Variants in RNLS observed in about 807,000 individuals in gnomAD.
RNLS encodes the protein renalase.
A neutral mutation model predicts 39.8 loss-of-function variants in RNLS; 39 were observed. The observed-to-expected ratio is 0.98, with a 90% CI of 0.76 to 1.28. The LOEUF (loss-of-function observed/expected upper bound fraction) is 1.28. Ranked by LOEUF, RNLS falls within the 50% of genes most tolerant of loss-of-function variation. RNLS has a pLI of 0.00. For missense variants in RNLS, 410 were observed against 413.3 expected (o/e 0.99, Z 0.07); for synonymous variants, 147 against 150.7 (o/e 0.98, Z 0.18).
At chr10:88,582,940 G>A in intron 1 of RNLS, 133 bp downstream of exon 1, 1 of 1,057,222 alleles carries the variant, frequency 9.5e-7, no homozygotes, top group Non-Finnish European at 1.3e-6. Context: ...CGCATGGGCC[G>A]CGCTACACGG....
At chr10:88,454,802 G>C (rs1842540201) in intron 4 of RNLS, among the ~76,000 whole-genome samples, 3 of 152,198 alleles carry the variant, frequency 2.0e-5, no homozygotes, top group Non-Finnish European at 4.4e-5. Context: ...GTGTATGGAG[G>C]TCTGGTAGAT....
intron 4 of RNLS, among the ~76,000 whole-genome samples, chr10:88,498,288 C>A (rs759641294): frequency 4.4e-4 from 67 of 151,362 alleles, no homozygotes; most frequent in Non-Finnish European, 7.8e-4. Flanking sequence ...AAATGCAAAG[C>A]CTGAATCTAA....
chr10:88,325,638 T>C (rs146000054), intron 5 of RNLS, among the ~76,000 whole-genome samples: 2 of 152,338 alleles, frequency 1.3e-5, no homozygotes, highest in African/African-American at 4.8e-5. Flanking sequence ...AATGTACTTA[T>C]TTAAAGAAAA....
At chr10:88,238,699 G>A in the RNLS span, among the ~76,000 whole-genome samples, 1 of 152,208 alleles carries the variant, frequency 6.6e-6, no homozygotes, top group African/African-American at 2.4e-5. Flanking sequence ...GATTGGGCAC[G>A]CTGTGGAGCC....
intron 4 of RNLS, among the ~76,000 whole-genome samples, chr10:88,528,210 TA>T (rs1847221144): frequency 1.3e-5 from 2 of 152,064 alleles, no homozygotes; most frequent in Non-Finnish European, 2.9e-5. Flanking sequence ...AGAAAAGGGC[TA>T]AGACATCAGA....
chr10:88,282,996 T>C (rs905197783), downstream of RNLS, among the ~76,000 whole-genome samples: 4 of 152,172 alleles, frequency 2.6e-5, no homozygotes, highest in African/African-American at 9.7e-5. Flanking sequence ...AAGTTCTTGT[T>C]TGGAAATACT....
chr10:88,265,877 A>C, the RNLS span, among the ~76,000 whole-genome samples: 1 of 152,214 alleles, frequency 6.6e-6, no homozygotes, highest in Non-Finnish European at 1.5e-5. Flanking sequence ...GAGTTTACTC[A>C]TGGGTGTCCC....
chr10:88,294,935 C>T (rs931442987), intron 6 of RNLS, among the ~76,000 whole-genome samples: 1 of 152,026 alleles, frequency 6.6e-6, no homozygotes, highest in Non-Finnish European at 1.5e-5. Context: ...CGCCCCCACC[C>T]TCCAAATAAC....
chr10:88,363,348 A>T (rs944183723), intron 4 of RNLS, among the ~76,000 whole-genome samples: 2 of 152,132 alleles, frequency 1.3e-5, no homozygotes, highest in African/African-American at 2.4e-5. Flanking sequence ...ACCATGGCAC[A>T]TGATTACCTA....
chr10:88,517,897 G>A (rs1309376911), intron 4 of RNLS, among the ~76,000 whole-genome samples: 2 of 151,876 alleles, frequency 1.3e-5, no homozygotes, highest in Non-Finnish European at 2.9e-5. Flanking sequence ...AAAATAAATA[G>A]ATTATAGCTC....
At chr10:88,415,035 G>A (rs543334593) in intron 4 of RNLS, among the ~76,000 whole-genome samples, 4 of 152,116 alleles carry the variant, frequency 2.6e-5, no homozygotes, top group Non-Finnish European at 5.9e-5. Flanking sequence ...AAAGCGCACA[G>A]ATACTGTATG....
chr10:88,573,478 G>A (rs1476777890), intron 3 of RNLS, among the ~76,000 whole-genome samples: 1 of 152,114 alleles, frequency 6.6e-6, no homozygotes, highest in Admixed American at 6.5e-5. Context: ...TGCAGAACAA[G>A]TATACACTTC....
the RNLS span, among the ~76,000 whole-genome samples, chr10:88,206,452 A>G: frequency 6.6e-6 from 1 of 152,186 alleles, no homozygotes; most frequent in Non-Finnish European, 1.5e-5. Context: ...TGGAGAGCTG[A>G]TATTAAAAGA....
At position 88,583,244 on chromosome 10, in the gene RNLS, C is replaced by T. The variant is rs1042722475; in HGVS notation, c.-54G>A. On this transcript the variant is annotated 5_prime_UTR_variant, in exon 1 of 7. Coordinates refer to ENST00000331772, the MANE Select transcript of RNLS (RefSeq NM_001031709.3). The stretch of plus-strand genomic sequence containing the variant: ...GTCTCTGCGGCGGGGCCGTTCGGCC[C>T]GGGCTTTCTGGAAAGGCGGCCGAAC... 3 of 1,602,068 alleles carry T rather than the reference C, an allele frequency of 1.9e-6. No individual in the cohort carries two copies. The highest frequency in any genetic ancestry group is 1.7e-5 in the Admixed American group (1 of 58,808).
chr10:88,508,959 A>T (rs182901676), intron 4 of RNLS, among the ~76,000 whole-genome samples: 1 of 152,196 alleles, frequency 6.6e-6, no homozygotes. Flanking sequence ...CCTGGAATAC[A>T]ATCATTTTAG....
chr10:88,469,003 A>G (rs553989078), intron 4 of RNLS, among the ~76,000 whole-genome samples: 1 of 152,260 alleles, frequency 6.6e-6, no homozygotes, highest in South Asian at 2.1e-4. Flanking sequence ...AAGAATATTT[A>G]ATGTCAGGGA....
intron 4 of RNLS, among the ~76,000 whole-genome samples, chr10:88,446,780 C>A (rs1185950378): frequency 1.3e-5 from 2 of 152,114 alleles, no homozygotes; most frequent in African/African-American, 4.8e-5. Context: ...TACTGGCAAA[C>A]TGAATCCAGC....
At chr10:88,450,339 A>T (rs1842294601) in intron 4 of RNLS, among the ~76,000 whole-genome samples, 1 of 152,202 alleles carries the variant, frequency 6.6e-6, no homozygotes, top group South Asian at 2.1e-4. Flanking sequence ...CACAAGGTAG[A>T]GCCAGGGAAG....
At chr10:88,435,962 C>T (rs1794888466) in intron 4 of RNLS, among the ~76,000 whole-genome samples, 1 of 151,948 alleles carries the variant, frequency 6.6e-6, no homozygotes, top group South Asian at 2.1e-4. Context: ...TGAGTGATCT[C>T]TCTGCAAAAT....
Sources: allele counts gnomAD v4.1 joint callset (sites outside exome capture counted in the v4.1 genomes callset), GRCh38; gene constraint gnomAD v4.1.1; transcripts MANE v1.5; gene names NCBI Gene and HGNC (gene_info 2026-07-23, HGNC 2026-07-21).